The following ALK variants were observed in gnomAD, a reference collection of about 807,000 sequenced individuals.
ALK encodes ALK tyrosine kinase receptor.
ALK carries 74 observed loss-of-function variants against 163.1 expected under a neutral mutation model. The observed-to-expected ratio is 0.45, with a 90% CI of 0.38 to 0.55. The LOEUF (loss-of-function observed/expected upper bound fraction) is 0.55. ALK is among the 20% of genes least tolerant of loss of function. The probability of loss-of-function intolerance (pLI) is 0.00; values close to 1 mark genes in which losing one functional copy is unlikely to be tolerated. For synonymous variants in ALK, 960 were observed against 843.2 expected, an observed-to-expected ratio of 1.14 and a Z score of -2.40; for missense variants, 2,063 against 2,105.3, an observed-to-expected ratio of 0.98 and a Z score of 0.39.
chr2:29,703,467 C>G (rs566126462), intron 2 of ALK, among the ~76,000 whole-genome samples: 1 of 152,330 alleles, frequency 6.6e-6, no homozygotes, highest in East Asian at 1.9e-4. Flanking sequence ...TGGGACACTG[C>G]TTTGTGCTAA....
intron 1 of ALK, among the ~76,000 whole-genome samples, chr2:29,868,340 T>C (rs1558525954): frequency 6.6e-6 from 1 of 152,166 alleles, no homozygotes; most frequent in Non-Finnish European, 1.5e-5. Flanking sequence ...TTGGGAGACA[T>C]CCATGAACAG....
intron 1 of ALK, among the ~76,000 whole-genome samples, chr2:29,809,728 T>C (rs1664705075): frequency 6.6e-6 from 1 of 152,202 alleles, no homozygotes; most frequent in Non-Finnish European, 1.5e-5. Context: ...TCTGCTGCTC[T>C]GTCCTGAATT....
At chr2:29,393,703 T>C (rs73923609) in intron 4 of ALK, among the ~76,000 whole-genome samples, 8,199 of 152,280 alleles carry the variant, frequency 0.054, 740 homozygotes, top group African/African-American at 0.19. Context: ...CTGTCTTTTG[T>C]CCTAGGAGTG....
At chr2:29,313,798 GT>G (rs1209035347) in intron 8 of ALK, among the ~76,000 whole-genome samples, 1 of 152,130 alleles carries the variant, frequency 6.6e-6, no homozygotes, top group Admixed American at 6.5e-5. Context: ...CGAGAGTTTG[GT>G]GGGGGCTGAT....
intron 3 of ALK, among the ~76,000 whole-genome samples, chr2:29,563,880 C>A (rs1458387561): frequency 6.6e-6 from 1 of 152,160 alleles, no homozygotes; most frequent in Non-Finnish European, 1.5e-5. Context: ...GCACTGTGGC[C>A]TGACCAAGGG....
intron 4 of ALK, among the ~76,000 whole-genome samples, chr2:29,411,815 C>T (rs762729460): frequency 6.6e-6 from 1 of 152,204 alleles, no homozygotes; most frequent in African/African-American, 2.4e-5. Context: ...CCACGTTAAA[C>T]TTATTTGCCA....
rs1178997940 is a variant in ALK at position 29,445,837 on chromosome 2, C to T, written c.1155-61978G>A. On this transcript the variant is annotated intron_variant, in intron 4 of 28. Transcript: ENST00000389048. ...AGCGCTGGCCGGGCGCGGTGGCTCA[C>T]GCCTGTAATCCCAGCACTTTGGGAG... is the stretch of plus-strand genomic sequence containing the variant. Among the ~76,000 whole-genome samples, 5 of 150,834 alleles carry T rather than the reference C, an allele frequency of 3.3e-5. No individual in the cohort carries two copies. In the East Asian group the frequency reaches 7.8e-4, roughly 24 times the overall value.
chr2:29,441,903 T>C (rs1370126358), intron 4 of ALK, among the ~76,000 whole-genome samples: 1 of 152,220 alleles, frequency 6.6e-6, no homozygotes, highest in Non-Finnish European at 1.5e-5. Context: ...TAAAAAGTTA[T>C]GATCATAGGA....
At chr2:29,462,492 T>C (rs560907169) in intron 4 of ALK, among the ~76,000 whole-genome samples, 2 of 152,304 alleles carry the variant, frequency 1.3e-5, no homozygotes, top group African/African-American at 4.8e-5. Context: ...AGGTCAGACC[T>C]GCCACGAGCT....
chr2:29,792,264 A>G (rs1664207598), intron 1 of ALK, among the ~76,000 whole-genome samples: 1 of 152,220 alleles, frequency 6.6e-6, no homozygotes, highest in African/African-American at 2.4e-5. Context: ...CAGTTGCAGA[A>G]GGTAGATAGA....
chr2:29,489,677 T>C (rs1671855445), intron 4 of ALK, among the ~76,000 whole-genome samples: 1 of 152,188 alleles, frequency 6.6e-6, no homozygotes, highest in Non-Finnish European at 1.5e-5. Context: ...ATTTAAGGCA[T>C]GAAGCAGTGT....
chr2:29,668,446 T>C (rs950835003), intron 3 of ALK, among the ~76,000 whole-genome samples: 1 of 152,128 alleles, frequency 6.6e-6, no homozygotes, highest in Admixed American at 6.6e-5. Context: ...TTTTGGTATG[T>C]TGTATTTCCA....
chr2:29,462,330 T>C (rs1671103928), intron 4 of ALK, among the ~76,000 whole-genome samples: 1 of 152,188 alleles, frequency 6.6e-6, no homozygotes, highest in Non-Finnish European at 1.5e-5. Context: ...GGTAAAACGC[T>C]ATCAAACAAC....
At chr2:29,740,596 T>A (rs980783389) in intron 1 of ALK, among the ~76,000 whole-genome samples, 1 of 152,198 alleles carries the variant, frequency 6.6e-6, no homozygotes. Context: ...AGTGCCAATA[T>A]TAGGTGGCAA....
chr2:29,317,129 C>T lies in ALK; in HGVS notation c.1647+1175G>A, dbSNP rs192471329. Among the ~76,000 whole-genome samples the T allele has an allele frequency of 6.1e-3, 929 of 152,308 alleles. 2 individuals are homozygous for T. The highest frequency in any genetic ancestry group is 0.014 in the Middle Eastern group (4 of 294). On this transcript the variant is annotated intron_variant, in intron 8 of 28. Transcript: ENST00000389048. ...TAGCAGGGGCAATCCTGTTGTCTGT[C>T]CCTCTGCTGGCCACAGAACCACCAC...
intron 11 of ALK, among the ~76,000 whole-genome samples, chr2:29,266,176 G>T (rs1390641388): frequency 3.3e-5 from 5 of 152,082 alleles, no homozygotes; most frequent in Admixed American, 2.0e-4. Context: ...GGATTTTTCG[G>T]GCAATCCTCT....
chr2:29,345,610 G>A (rs1667927019), intron 5 of ALK, among the ~76,000 whole-genome samples: 1 of 151,930 alleles, frequency 6.6e-6, no homozygotes, highest in Non-Finnish European at 1.5e-5. Flanking sequence ...GAACCCCAAG[G>A]TTCCACTTTT....
Position 29,533,644 on chromosome 2 carries a change from C to A in ALK, c.953-1528G>T, listed in dbSNP as rs141626674. 8.2e-3 allele frequency among the ~76,000 whole-genome samples: 1,255 copies of A among 152,244 alleles called. 17 individuals are homozygous for A. Among genetic ancestry groups the A allele is most frequent in the Non-Finnish European group, 0.014 (976 of 68,010 alleles). ...CCAGACCAAATCCATTTATTCGGTC[C>A]CTTCCTTACTCCTTTCTGCCCTCAG... is the stretch of plus-strand genomic sequence containing the variant. On this transcript the variant is annotated intron_variant, in intron 3 of 28. Transcript: ENST00000389048.
Position 29,511,712 on chromosome 2 carries a change from G to T in ALK, c.1154+20203C>A, listed in dbSNP as rs186338239. 4.5e-3 allele frequency among the ~76,000 whole-genome samples: 686 copies of T among 152,234 alleles called. 5 individuals are homozygous for T. In the Middle Eastern group the frequency reaches 0.058, roughly 13 times the overall value. ...GCATATGTCTAGTTTTTAAAGAAAT[G>T]TTCCAATTGTTTTTCCAAAGTGATT... On this transcript the variant is annotated intron_variant, in intron 4 of 28. Transcript: ENST00000389048.
Sources: allele counts gnomAD v4.1 joint callset (sites outside exome capture counted in the v4.1 genomes callset), GRCh38; gene constraint gnomAD v4.1.1; transcripts MANE v1.5; gene names NCBI Gene and HGNC (gene_info 2026-07-23, HGNC 2026-07-21).